Variants in DAG1 observed in about 807,000 individuals in gnomAD.
DAG1 encodes the protein dystroglycan 1.
In DAG1, 8 loss-of-function variants were observed where a neutral mutation model predicts 46.1. That is an observed-to-expected ratio of 0.17 (90% CI 0.10 to 0.31). The LOEUF is 0.31. DAG1 is among the 10% of genes least tolerant of loss of function. The probability of loss-of-function intolerance (pLI) is 1.00; values close to 1 mark genes in which losing one functional copy is unlikely to be tolerated. For synonymous variants in DAG1, 495 were observed against 481.8 expected (o/e 1.03, Z -0.36); for missense variants, 1,003 against 1,189.9 (o/e 0.84, Z 2.31).
intron 2 of DAG1, among the ~76,000 whole-genome samples, chr3:49,513,858 A>G (rs2050825670): frequency 6.6e-6 from 1 of 152,208 alleles, no homozygotes; most frequent in Admixed American, 6.5e-5. Context: ...TTTCTTGCTC[A>G]GCTTCAGATT....
Position 49,532,949 on chromosome 3 carries a change from C to G in DAG1, c.2438C>G (p.Ser813Cys), listed in dbSNP as rs1345309623. Reference protein sequence around the residue: ...ELDDSKPPPSSSMPLILQEEK... With the variant: ...ELDDSKPPPSCSMPLILQEEK... ...GACGACTCCAAGCCCCCACCCTCCT[C>G]CAGCATGCCACTCATTCTGCAGGAG... The change falls in exon 3 of 3, where the codon TCC becomes TGC. Residue 813 changes from serine (S) to cysteine (C), a missense_variant. Coordinates refer to ENST00000308775, the MANE Select transcript of DAG1 (RefSeq NM_004393.6). This position sits in a 1 kb window ranked among gnomAD's most constrained non-coding sequence, Gnocchi z 5.4. 1 of 1,614,096 alleles carries G rather than the reference C, an allele frequency of 6.2e-7. No individual in the cohort carries two copies. Among genetic ancestry groups the G allele is most frequent in the Non-Finnish European group, 8.5e-7 (1 of 1,180,006 alleles).
chr3:49,478,539 T>TA (rs34893377), intron 1 of DAG1, among the ~76,000 whole-genome samples: 22,543 of 118,488 alleles, frequency 0.19, 2,224 homozygotes, highest in Middle Eastern at 0.21. Flanking sequence ...TTTTTTTTTT[T>TA]TTTTTTTTTT....
In DAG1 at chr3:49,531,747, G is replaced by C. The variant is rs760924685; in HGVS notation, c.1236G>C (p.Glu412Asp). ...CGATGACCATTCCTGGCTATGTGGA[G>C]CCTACTGCAGTTGCTACCCCTCCCA... ...RPTMTIPGYVEPTAVATPPTT... is the reference protein window; with the variant it reads ...RPTMTIPGYVDPTAVATPPTT... The change falls in exon 3 of 3, where the codon GAG (glutamate) becomes GAC (aspartate). Residue 412 changes from glutamate to aspartate, a missense_variant. Glu to Asp is a conservative substitution (Grantham distance 45, BLOSUM62 2). Transcript: ENST00000308775. This position sits in a 1 kb window ranked among gnomAD's most constrained non-coding sequence, Gnocchi z 7.0. The C allele has an allele frequency of 5.0e-6, 8 of 1,613,932 alleles. No individual in the cohort carries two copies. The highest frequency in any genetic ancestry group is 4.2e-6 in the Non-Finnish European group (5 of 1,179,996).
intron 1 of DAG1, among the ~76,000 whole-genome samples, chr3:49,478,273 C>CCA (rs769128218): frequency 3.3e-5 from 3 of 90,006 alleles, no homozygotes; most frequent in African/African-American, 1.4e-4. Context: ...GACTCTGTCT[C>CCA]AAAAAAAAAA....
intron 1 of DAG1, among the ~76,000 whole-genome samples, chr3:49,502,926 C>T (rs767548108): frequency 2.6e-5 from 4 of 152,126 alleles, no homozygotes; most frequent in East Asian, 1.9e-4. Flanking sequence ...CATGAGTCAC[C>T]GCGCCCGGCC....
rs906591622 is a variant in DAG1, at chr3:49,510,929, C to T, written c.285+110C>T. ...TTCACCAATTCTGAGCTCAGTTCTT[C>T]CAGTACCCCCTTAGAAGAGGGACAG... On this transcript the variant is annotated intron_variant, in intron 2 of 2. Transcript: ENST00000308775. The T allele has an allele frequency of 5.2e-6, 8 of 1,542,662 alleles. No homozygotes were observed. In the Admixed American group the frequency reaches 1.6e-4, roughly 30 times the overall value.
intron 1 of DAG1, among the ~76,000 whole-genome samples, chr3:49,502,886 C>T (rs2050495887): frequency 6.6e-6 from 1 of 152,268 alleles, no homozygotes; most frequent in East Asian, 1.9e-4. Flanking sequence ...ATCTGCCCGC[C>T]TTGGCCTCCC....
chr3:49,475,843 A>G (rs926568002), intron 1 of DAG1, among the ~76,000 whole-genome samples: 19 of 151,666 alleles, frequency 1.3e-4, no homozygotes, highest in Admixed American at 6.6e-5. Flanking sequence ...AGCTGGGACT[A>G]CAGGTGCCCG....
chr3:49,503,132 G>T (rs2050503623), intron 1 of DAG1, among the ~76,000 whole-genome samples: 1 of 152,116 alleles, frequency 6.6e-6, no homozygotes, highest in African/African-American at 2.4e-5. Flanking sequence ...TCCTGTCTGT[G>T]TGCCTAGGAG....
At position 49,524,285 on chromosome 3, in the gene DAG1, A is replaced by T. The variant is rs1031924906; in HGVS notation, c.286-6512A>T. On this transcript the variant is annotated intron_variant, in intron 2 of 2. Coordinates refer to ENST00000308775, the MANE Select transcript of DAG1 (RefSeq NM_004393.6). ...GACTTTCCAGGTAGGGGCTTTCCCC[A>T]AATGGCCTTGAAAATGCAGAAGTGC... 9.8e-5 allele frequency among the ~76,000 whole-genome samples: 15 copies of T among 152,352 alleles called. No individual in the cohort carries two copies. The East Asian group carries it at 2.9e-3, about 29-fold the overall frequency.
At position 49,533,271 on chromosome 3, in the gene DAG1, G is replaced by T. The variant is rs529704573; in HGVS notation, c.*72G>T. ...CGACATGGTGTTGTCTGTGGAGACCGGTGGCCTGCAGACCATTGCCCACCG... is the reference window on the plus strand; with the variant it reads ...CGACATGGTGTTGTCTGTGGAGACCTGTGGCCTGCAGACCATTGCCCACCG... On this transcript the variant is annotated 3_prime_UTR_variant, in exon 3 of 3. Coordinates refer to ENST00000308775, the MANE Select transcript of DAG1 (RefSeq NM_004393.6). 3 of 1,588,412 alleles carry T rather than the reference G, an allele frequency of 1.9e-6. No homozygotes were observed. Among genetic ancestry groups the T allele is most frequent in the Non-Finnish European group, 2.6e-6 (3 of 1,174,104 alleles).
At chr3:49,493,122 G>A (rs2050231524) in intron 1 of DAG1, 1 of 128,346 alleles carries the variant, frequency 7.8e-6, no homozygotes, top group Non-Finnish European at 1.5e-5. Flanking sequence ...ATGGCTCACT[G>A]CAACCTCAAC....
intron 1 of DAG1, among the ~76,000 whole-genome samples, chr3:49,488,055 A>G (rs1279197471): frequency 6.6e-6 from 1 of 152,128 alleles, no homozygotes; most frequent in Non-Finnish European, 1.5e-5. Flanking sequence ...TTTTACTAGA[A>G]AAACATAGCA....
At chr3:49,526,880 A>G (rs2051186197) in intron 2 of DAG1, among the ~76,000 whole-genome samples, 1 of 141,812 alleles carries the variant, frequency 7.1e-6, no homozygotes, top group African/African-American at 2.6e-5. Flanking sequence ...TGTTTGTTAC[A>G]TAATATTAAC....
At chr3:49,476,373 T>C (rs1003268476) in intron 1 of DAG1, among the ~76,000 whole-genome samples, 1 of 152,084 alleles carries the variant, frequency 6.6e-6, no homozygotes. Context: ...GTGGATCACC[T>C]GAGCTCAGGA....
At position 49,531,824 on chromosome 3, in the gene DAG1, C is replaced by T; in HGVS notation, c.1313C>T (p.Ser438Leu). ...TCCACACCAAAACCAGCAACGCCTTCAACTGACTCCACCACCACCACGACT... is the reference window on the plus strand; with the variant it reads ...TCCACACCAAAACCAGCAACGCCTTTAACTGACTCCACCACCACCACGACT... ...RVSTPKPATP[S>L]TDSTTTTTRR... The change falls in exon 3 of 3, where the codon TCA becomes TTA. Residue 438 changes from serine (S) to leucine (L), a missense_variant. Ser to Leu is a moderately radical substitution (Grantham distance 145). Coordinates refer to ENST00000308775, the MANE Select transcript of DAG1 (RefSeq NM_004393.6). This position sits in a 1 kb window ranked among gnomAD's most constrained non-coding sequence, Gnocchi z 7.0. 3 of 1,614,010 alleles carry T rather than the reference C, an allele frequency of 1.9e-6. No individual in the cohort carries two copies. Among genetic ancestry groups the T allele is most frequent in the Non-Finnish European group, 2.5e-6 (3 of 1,179,998 alleles).
At chr3:49,529,177 A>G (rs1430681105) in intron 2 of DAG1, among the ~76,000 whole-genome samples, 1 of 152,044 alleles carries the variant, frequency 6.6e-6, no homozygotes, top group Non-Finnish European at 1.5e-5. Flanking sequence ...TAACAATGTC[A>G]GTAATCTCAT....
At chr3:49,526,678 C>T (rs553845030) in intron 2 of DAG1, among the ~76,000 whole-genome samples, 1 of 152,180 alleles carries the variant, frequency 6.6e-6, no homozygotes, top group Non-Finnish European at 1.5e-5. Flanking sequence ...GATCGTGCCA[C>T]TGCACTCCAG....
chr3:49,522,236 T>A (rs1029550916), intron 2 of DAG1, among the ~76,000 whole-genome samples: 2 of 152,124 alleles, frequency 1.3e-5, no homozygotes, highest in African/African-American at 4.8e-5. Context: ...TTCACCATGT[T>A]GGCCAGGCTG....
Sources: allele counts gnomAD v4.1 joint callset (sites outside exome capture counted in the v4.1 genomes callset), GRCh38; gene constraint gnomAD v4.1.1; non-coding constraint Gnocchi (gnomAD v3.1); transcripts MANE v1.5; gene names NCBI Gene and HGNC (gene_info 2026-07-23, HGNC 2026-07-21).